Variants in POFUT3 observed in about 807,000 individuals in gnomAD.
POFUT3 encodes protein O-fucosyltransferase 3, also known as GDP-fucose protein O-fucosyltransferase 3.
At chr8:33,364,752 A>G in the POFUT3 span, among the ~76,000 whole-genome samples, 1 of 152,230 alleles carries the variant, frequency 6.6e-6, no homozygotes, top group Non-Finnish European at 1.5e-5. Flanking sequence ...CCACTGCTCA[A>G]TGAAATAAAA....
At chr8:33,467,993 A>G in the POFUT3 span, among the ~76,000 whole-genome samples, 1 of 152,118 alleles carries the variant, frequency 6.6e-6, no homozygotes, top group Non-Finnish European at 1.5e-5. Flanking sequence ...TAATCCCAAC[A>G]CTGTGGGAGG....
At chr8:33,440,484 C>T in the POFUT3 span, among the ~76,000 whole-genome samples, 4 of 152,268 alleles carry the variant, frequency 2.6e-5, no homozygotes, top group Admixed American at 2.0e-4. Flanking sequence ...ATAACCCCCC[C>T]GCACCTAACC....
the POFUT3 span, among the ~76,000 whole-genome samples, chr8:33,327,069 C>T: frequency 0.098 from 14,871 of 152,198 alleles, 973 homozygotes; most frequent in African/African-American, 0.18. Flanking sequence ...TGAACCACTG[C>T]GCCCACTCCT....
chr8:33,337,313 G>A, the POFUT3 span, among the ~76,000 whole-genome samples: 1 of 152,256 alleles, frequency 6.6e-6, no homozygotes, highest in African/African-American at 2.4e-5. Flanking sequence ...TGACATTTCT[G>A]CACTCAGGAA....
At chr8:33,319,745 T>A in the POFUT3 span, among the ~76,000 whole-genome samples, 1 of 64,606 alleles carries the variant, frequency 1.5e-5, no homozygotes, top group Non-Finnish European at 2.5e-5. Context: ...TTTATATATA[T>A]TTATATATAT....
chr8:33,386,126 T>G, the POFUT3 span, among the ~76,000 whole-genome samples: 1 of 143,588 alleles, frequency 7.0e-6, no homozygotes, highest in Non-Finnish European at 1.5e-5. Flanking sequence ...GAGGCAGAGG[T>G]TGCAGTGAGC....
the POFUT3 span, among the ~76,000 whole-genome samples, chr8:33,407,228 C>T: frequency 6.6e-6 from 1 of 152,204 alleles, no homozygotes; most frequent in Non-Finnish European, 1.5e-5. Flanking sequence ...GTTCTGCTAA[C>T]ATCCAGCTAA....
chr8:33,429,389 CT>C, the POFUT3 span, among the ~76,000 whole-genome samples: 1 of 152,176 alleles, frequency 6.6e-6, no homozygotes, highest in East Asian at 1.9e-4. Flanking sequence ...AAAATTAGAT[CT>C]GCCGTTGTGC....
At chr8:33,441,446 T>A in the POFUT3 span, among the ~76,000 whole-genome samples, 1 of 139,686 alleles carries the variant, frequency 7.2e-6, no homozygotes, top group Admixed American at 7.5e-5. Context: ...AATGGTACAA[T>A]CTTGGCTCAC....
chr8:33,397,296 G>C, the POFUT3 span, among the ~76,000 whole-genome samples: 2 of 152,136 alleles, frequency 1.3e-5, no homozygotes, highest in African/African-American at 2.4e-5. Flanking sequence ...TTAGGTGTTG[G>C]GAAGAGGAGA....
the POFUT3 span, chr8:33,460,875 G>A: frequency 0.062 from 19,302 of 309,688 alleles, 846 homozygotes; most frequent in African/African-American, 0.16. Context: ...GATCCTGGCT[G>A]GGCACAGTGG....
the POFUT3 span, among the ~76,000 whole-genome samples, chr8:33,383,888 A>G: frequency 6.6e-6 from 1 of 151,820 alleles, no homozygotes; most frequent in Non-Finnish European, 1.5e-5. Context: ...CATAAGACCA[A>G]GGAGTTTTCC....
At chr8:33,400,065 T>G in the POFUT3 span, among the ~76,000 whole-genome samples, 7 of 151,490 alleles carry the variant, frequency 4.6e-5, no homozygotes, top group Non-Finnish European at 1.0e-4. Context: ...AAAGTAAGTC[T>G]TCTTCCCCAC....
chr8:33,317,881 C>G, the POFUT3 span, among the ~76,000 whole-genome samples: 2 of 152,124 alleles, frequency 1.3e-5, no homozygotes, highest in Admixed American at 1.3e-4. Context: ...GCATTTCCAG[C>G]CTTACTTCTC....
chr8:33,373,340 A>G, the POFUT3 span, among the ~76,000 whole-genome samples: 1 of 152,202 alleles, frequency 6.6e-6, no homozygotes, highest in African/African-American at 2.4e-5. Flanking sequence ...TTTTACATCT[A>G]TCTATGTTGT....
At chr8:33,456,105 T>C in the POFUT3 span, among the ~76,000 whole-genome samples, 104 of 152,312 alleles carry the variant, frequency 6.8e-4, 1 homozygote, top group African/African-American at 2.3e-3. Context: ...CTCTCCCCAG[T>C]AGTTTGATCC....
chr8:33,325,012 T>C, the POFUT3 span, among the ~76,000 whole-genome samples: 1 of 152,148 alleles, frequency 6.6e-6, no homozygotes, highest in African/African-American at 2.4e-5. Context: ...GCAGAGTAAA[T>C]AGCTTAAAAT....
the POFUT3 span, among the ~76,000 whole-genome samples, chr8:33,364,397 A>G: frequency 2.6e-5 from 4 of 152,222 alleles, no homozygotes; most frequent in Non-Finnish European, 5.9e-5. Flanking sequence ...TTCCTATTCA[A>G]TATACTGTTG....
chr8:33,421,615 C>T, the POFUT3 span, among the ~76,000 whole-genome samples: 223 of 152,198 alleles, frequency 1.5e-3, 1 homozygote, highest in Non-Finnish European at 1.2e-3. Context: ...TCTTTGACTC[C>T]TTGAGAGTAC....
Sources: allele counts gnomAD v4.1 joint callset (sites outside exome capture counted in the v4.1 genomes callset), GRCh38; gene constraint gnomAD v4.1.1; transcripts MANE v1.5; gene names NCBI Gene and HGNC (gene_info 2026-07-23, HGNC 2026-07-21).